The following ZNF213 variants were observed in gnomAD, a reference collection of about 807,000 sequenced individuals.
The protein encoded by ZNF213 is putative transcription factor CR53.
ZNF213 carries 32 observed loss-of-function variants against 46.0 expected under a neutral mutation model. The observed-to-expected ratio is 0.70, with a 90% CI of 0.52 to 0.93. The LOEUF is 0.93. Ranked by LOEUF, ZNF213 falls within the 40% of genes least tolerant of loss-of-function variation. The pLI, the probability that ZNF213 is intolerant of heterozygous loss-of-function variation, is 0.00. For synonymous variants in ZNF213, 297 were observed against 271.0 expected (o/e 1.10, Z -0.94); for missense variants, 639 against 652.8 (o/e 0.98, Z 0.23).
At position 3,137,491 on chromosome 16, in the gene ZNF213, T is replaced by C; in HGVS notation, c.211T>C (p.Cys71Arg). ...EAFSQLWELC[C>R]RWLRPELRTK... is the part of the protein sequence containing the mutation. ...CTTCAGCCAGCTCTGGGAGCTCTGC[T>C]GCCGCTGGCTGCGGCCCGAGCTGCG... Residue 71 changes from cysteine (C) to arginine (R), a missense_variant, in exon 2 of 6, where the codon TGC (cysteine) becomes CGC (arginine). Transcript: ENST00000396878. The C allele has an allele frequency of 1.2e-6, 2 of 1,613,944 alleles. No individual in the cohort carries two copies. The highest frequency in any genetic ancestry group is 1.7e-6 in the Non-Finnish European group (2 of 1,180,040).
intron 2 of ZNF213, chr16:3,137,996 C>G (rs1427420247): frequency 4.1e-6 from 2 of 483,850 alleles, no homozygotes; most frequent in Non-Finnish European, 7.4e-6. Flanking sequence ...TCTGGGGACA[C>G]AAGGGTGTGC....
In ZNF213 at chr16:3,137,360, C is replaced by T. The variant is rs1957551459; in HGVS notation, c.80C>T (p.Ser27Phe). ...CTGATTGTGAAAGTGGAAGATTCCT[C>T]CTGGGAACAGGAATCTGCCCAGCAT... ...GLLIVKVEDSSWEQESAQHED... is the reference protein window; with the variant it reads ...GLLIVKVEDSFWEQESAQHED... The change falls in exon 2 of 6, where the codon TCC (serine) becomes TTC (phenylalanine). Residue 27 changes from serine (S) to phenylalanine (F), a missense_variant. Transcript: ENST00000396878. 2 of 1,613,828 alleles carry T rather than the reference C, an allele frequency of 1.2e-6. No homozygotes were observed. Among genetic ancestry groups the T allele is most frequent in the Admixed American group, 1.7e-5 (1 of 60,004 alleles).
Position 3,141,317 on chromosome 16 carries a change from G to A in ZNF213, c.1350G>A (p.Leu450=), listed in dbSNP as rs558578895. 19 of 1,586,790 alleles carry A rather than the reference G, an allele frequency of 1.2e-5. 1 individual carries two copies. The highest frequency in any genetic ancestry group is 8.0e-5 in the African/African-American group (6 of 74,612). Residue 450 remains leucine (L), a synonymous_variant, in exon 6 of 6, where the codon CTG becomes CTA. Coordinates refer to ENST00000396878, the MANE Select transcript of ZNF213 (RefSeq NM_004220.3). Reference sequence around the variant, plus strand: ...CGCACCTCATCGCGCATCAGAGCCTGCACGCCAAGATGGCCCAGCCCGTGG... The same window carrying A: ...CGCACCTCATCGCGCATCAGAGCCTACACGCCAAGATGGCCCAGCCCGTGG... The part of the protein sequence containing the change: ...QRAHLIAHQS[L]HAKMAQPVG
At chr16:3,139,315 C>T in intron 5 of ZNF213, 2 of 601,242 alleles carry the variant, frequency 3.3e-6, no homozygotes, top group South Asian at 4.3e-5. Flanking sequence ...TGCAGTTGCT[C>T]TAAGGGCAAC....
chr16:3,135,743 G>A (rs1443380028), intron 1 of ZNF213, among the ~76,000 whole-genome samples: 2 of 152,138 alleles, frequency 1.3e-5, no homozygotes, highest in African/African-American at 4.8e-5. Flanking sequence ...TGGTATTGAG[G>A]AAGGGAGAGT....
chr16:3,139,677 A>G (rs1224710134), intron 5 of ZNF213: 1 of 152,642 alleles, frequency 6.6e-6, no homozygotes, highest in Non-Finnish European at 1.5e-5. Flanking sequence ...TGCGTGGTGA[A>G]GGGAGCCACA....
rs1462016244 is a variant in ZNF213, at chr16:3,141,121, G to T, written c.1154G>T (p.Ser385Ile). ...GAGTGCGGCAAGAGCTTCAGCCGCA[G>T]CGCCTACCTGGCCGACCACCAGCGC... ...CSECGKSFSR[S>I]AYLADHQRIH... is the part of the protein sequence containing the mutation. The change falls in exon 6 of 6, where the codon AGC becomes ATC. Residue 385 changes from serine (S) to isoleucine (I), a missense_variant. Transcript: ENST00000396878. The T allele has an allele frequency of 6.2e-7, 1 of 1,612,526 alleles. No individual in the cohort carries two copies. Among genetic ancestry groups the T allele is most frequent in the Admixed American group, 1.7e-5 (1 of 59,998 alleles).
chr16:3,139,728 G>C (rs3888697), intron 5 of ZNF213: 1 of 152,202 alleles, frequency 6.6e-6, no homozygotes, highest in Non-Finnish European at 1.5e-5. Flanking sequence ...CGACTGTGAC[G>C]GTTGGGAAAA....
rs1957548668 is a variant in ZNF213 at position 3,137,200 on chromosome 16, GGGGA to G, written c.-80_-77del. The stretch of plus-strand genomic sequence containing the variant: ...TCCAGATGCCAGCCCAGCTACCACA[GGGGA>G]TCCCTCTGGGAGACTGAAAGTACAG... On this transcript the variant is annotated 5_prime_UTR_variant, in exon 2 of 6. It removes the in-frame stop codon of an upstream open reading frame in the 5' UTR. Transcript: ENST00000396878. 1.3e-6 allele frequency: 2 copies of G among 1,502,518 alleles called. No homozygotes were observed. Among genetic ancestry groups the G allele is most frequent in the Non-Finnish European group, 1.8e-6 (2 of 1,129,116 alleles). 93.1% of individuals were successfully genotyped at this position (1,502,518 alleles called of 1,614,324 possible).
chr16:3,139,827 TC>T (rs1957582980), intron 5 of ZNF213: 1 of 152,064 alleles, frequency 6.6e-6, no homozygotes, highest in African/African-American at 2.4e-5. Flanking sequence ...CACTGAAACT[TC>T]CACCTCCCGG....
At chr16:3,139,730 T>C (rs991329502) in intron 5 of ZNF213, 3 of 152,094 alleles carry the variant, frequency 2.0e-5, no homozygotes, top group African/African-American at 7.3e-5. Flanking sequence ...ACTGTGACGG[T>C]TGGGAAAAAT....
Position 3,136,831 on chromosome 16 carries a change from T to C in ZNF213, c.-115-335T>C, listed in dbSNP as rs1957543626. ...AAACTGAAGATATATGTTATTAATA[T>C]TTCCACCATAATTTTGAACATTTAC... On this transcript the variant is annotated intron_variant, in intron 1 of 5. Coordinates refer to ENST00000396878, the MANE Select transcript of ZNF213 (RefSeq NM_004220.3). 5.3e-5 allele frequency among the ~76,000 whole-genome samples: 8 copies of C among 152,212 alleles called. No individual in the cohort carries two copies. In the South Asian group the frequency reaches 1.4e-3, roughly 28 times the overall value.
At chr16:3,138,203 G>T (rs1488379989) in intron 2 of ZNF213, 3 of 923,234 alleles carry the variant, frequency 3.2e-6, no homozygotes, top group Non-Finnish European at 4.7e-6. Flanking sequence ...TTTCAGGGCT[G>T]GTTCTTGCCT....
At position 3,138,734 on chromosome 16, in the gene ZNF213, T is replaced by C. The variant is rs2141536438; in HGVS notation, c.524-11T>C. On this transcript the variant is annotated splice_polypyrimidine_tract_variant and intron_variant, in intron 3 of 5. Transcript: ENST00000396878. Reference sequence around the variant, plus strand: ...GGCTGGCCTTTCTAAGGCTCCATTCTTCTCCTTCAGCCCAGCCTCCTGCTC... The same window carrying C: ...GGCTGGCCTTTCTAAGGCTCCATTCCTCTCCTTCAGCCCAGCCTCCTGCTC... 1 of 1,614,124 alleles carries C rather than the reference T, an allele frequency of 6.2e-7. No homozygotes were observed. Among genetic ancestry groups the C allele is most frequent in the East Asian group, 2.2e-5 (1 of 44,890 alleles).
intron 1 of ZNF213, among the ~76,000 whole-genome samples, chr16:3,135,672 G>C (rs1957526426): frequency 6.6e-6 from 1 of 152,216 alleles, no homozygotes; most frequent in African/African-American, 2.4e-5. Flanking sequence ...GACTTTTTTA[G>C]TAAAAGCACA....
rs747108568 is a variant in ZNF213 at position 3,141,211 on chromosome 16, A to G, written c.1244A>G (p.Tyr415Cys). The G allele has an allele frequency of 6.2e-7, 1 of 1,612,548 alleles. No homozygotes were observed. The highest frequency in any genetic ancestry group is 8.5e-7 in the Non-Finnish European group (1 of 1,179,908). Residue 415 changes from tyrosine to cysteine, a missense_variant, in exon 6 of 6, where the codon TAC becomes TGC. Coordinates refer to ENST00000396878, the MANE Select transcript of ZNF213 (RefSeq NM_004220.3). ...GGCAAGAGCTTCTCGCTGCGCTCCT[A>G]CCTGCTGGACCATCGGCGTGTGCAC... ...DCGKSFSLRS[Y>C]LLDHRRVHTG... is the part of the protein sequence containing the mutation.
In ZNF213 at chr16:3,137,935, G is replaced by A. The variant is rs567635027; in HGVS notation, c.399+256G>A. 18 of 567,312 alleles carry A rather than the reference G, an allele frequency of 3.2e-5. No homozygotes were observed. The South Asian group carries it at 3.7e-4, about 12-fold the overall frequency. The allele number at this position is 567,312 out of a possible 1,614,324, so 35.1% of individuals were successfully genotyped here. On this transcript the variant is annotated intron_variant, in intron 2 of 5. Transcript: ENST00000396878. ...CGAATGTTCCAGACAGGAGGTTTTA[G>A]CTCCATGCAGGGTCTGCTGATGTTT...
rs375910853 is a variant in ZNF213, at chr16:3,140,733, A to T, written c.766A>T (p.Met256Leu). Residue 256 changes from methionine (M) to leucine (L), a missense_variant, in exon 6 of 6, where the codon ATG becomes TTG. By Grantham distance (15) the Met-to-Leu change is conservative. Coordinates refer to ENST00000396878, the MANE Select transcript of ZNF213 (RefSeq NM_004220.3). ...AAGTGAGAAGTCCCTGCTGCAGGAG[A>T]TGGTGCCGGTGGTGCCAGGCCAGAC... ...GQSEKSLLQE[M>L]VPVVPGQTGS... The T allele has an allele frequency of 6.5e-7, 1 of 1,530,202 alleles. No individual in the cohort carries two copies. The highest frequency in any genetic ancestry group is 8.7e-7 in the Non-Finnish European group (1 of 1,145,416). 94.8% of individuals were successfully genotyped at this position (1,530,202 alleles called of 1,614,324 possible).
rs1957555386 is a variant in ZNF213 at position 3,137,628 on chromosome 16, T to A, written c.348T>A (p.Ala116=). The A allele has an allele frequency of 3.1e-6, 5 of 1,613,766 alleles. No homozygotes were observed. The highest frequency in any genetic ancestry group is 1.7e-5 in the Admixed American group (1 of 60,004). ...AGCACCCGGGAAGCGGTGAGGAGGC[T>A]GTCGCCTTGGTGGAGGACCTACAGA... The part of the protein sequence containing the change: ...REQHPGSGEE[A]VALVEDLQKQ... Residue 116 remains alanine (A), a synonymous_variant, in exon 2 of 6, where the codon GCT becomes GCA. Transcript: ENST00000396878.
Sources: gnomAD v4.1 joint callset for allele counts (sites outside exome capture counted in the v4.1 genomes callset) on GRCh38, gnomAD v4.1.1 for gene constraint, MANE v1.5 for transcripts, NCBI Gene and HGNC (gene_info 2026-07-23, HGNC 2026-07-21) for gene names.